KDM4B: variants seen among roughly 807,000 people sequenced by gnomAD.
KDM4B encodes the protein lysine-specific demethylase 4B.
KDM4B carries 32 observed loss-of-function variants against 125.2 expected under a neutral mutation model. That is an observed-to-expected ratio of 0.26 (90% confidence interval 0.19 to 0.34). The LOEUF is 0.34. Among genes scored for constraint, KDM4B ranks in the 10% least tolerant of loss-of-function variants. The probability of loss-of-function intolerance (pLI) is 1.00; values close to 1 mark genes in which losing one functional copy is unlikely to be tolerated. For missense variants in KDM4B, 1,190 were observed against 1,577.7 expected (o/e 0.75, Z 4.16); for synonymous variants, 721 against 677.9 (o/e 1.06, Z -0.99).
chr19:5,029,969 G>A (rs73542569), intron 2 of KDM4B, among the ~76,000 whole-genome samples: 4,458 of 152,350 alleles, frequency 0.029, 180 homozygotes, highest in African/African-American at 0.083. Context: ...GGTCTCCCCA[G>A]CGTGGGTTTT....
At chr19:5,103,366 C>A (rs902778044) in intron 9 of KDM4B, among the ~76,000 whole-genome samples, 3 of 152,224 alleles carry the variant, frequency 2.0e-5, no homozygotes, top group Admixed American at 2.0e-4. Context: ...ATCTCTGCGT[C>A]GGGTCCCGCT....
At position 5,041,102 on chromosome 19, in the gene KDM4B, C is replaced by T. The variant is rs373256827; in HGVS notation, c.318-35C>T. ...GGTGGGCTGCGTAGCACCCAGGCCT[C>T]ACCCTGAGCTGGTTTTGGGGTGTTT... is the stretch of plus-strand genomic sequence containing the variant. On this transcript the variant is annotated intron_variant, in intron 4 of 22. Coordinates refer to ENST00000159111, the MANE Select transcript of KDM4B (RefSeq NM_015015.3). The T allele has an allele frequency of 6.0e-5, 89 of 1,474,670 alleles. 1 individual carries two copies. In the African/African-American group the frequency reaches 1.1e-3, roughly 19 times the overall value. 91.3% of individuals were successfully genotyped at this position (1,474,670 alleles called of 1,614,324 possible). A position where few individuals can be genotyped will look rare whatever the true frequency, so the allele number is the denominator to read the frequency against.
rs1044059402 is a variant in KDM4B, at chr19:5,141,050, C to T, written c.2551-2917C>T. On this transcript the variant is annotated intron_variant, in intron 18 of 22. Transcript: ENST00000159111. The surrounding 1 kb of genome is among the most constrained non-coding windows in gnomAD (Gnocchi z 6.4). ...CAGGGTGGGTCTGCTGGGGAGACCA[C>T]AAGGGTGGGACTGATGCCGGCCACA... The T allele has an allele frequency of 2.0e-5, 3 of 152,264 alleles. No homozygotes were observed. Among genetic ancestry groups the T allele is most frequent in the African/African-American group, 7.2e-5 (3 of 41,470 alleles). The allele number at this position is 152,264 out of a possible 1,614,324, so 9.4% of individuals were successfully genotyped here.
intron 10 of KDM4B, among the ~76,000 whole-genome samples, chr19:5,118,331 C>T (rs2039296044): frequency 6.6e-6 from 1 of 152,246 alleles, no homozygotes; most frequent in African/African-American, 2.4e-5. Flanking sequence ...CACTGGCGCT[C>T]CCAGCTCTGC....
intron 6 of KDM4B, among the ~76,000 whole-genome samples, chr19:5,065,558 G>A (rs890165579): frequency 2.0e-5 from 3 of 152,264 alleles, no homozygotes; most frequent in Non-Finnish European, 1.5e-5. Flanking sequence ...AAGCCATTCC[G>A]GGGGAATAAA....
intron 7 of KDM4B, among the ~76,000 whole-genome samples, chr19:5,071,582 G>A (rs746642727): frequency 5.9e-5 from 9 of 152,232 alleles, no homozygotes; most frequent in Non-Finnish European, 8.8e-5. Context: ...ACCAGCTCGC[G>A]TTCATGTGCT....
At chr19:5,077,265 C>A in intron 7 of KDM4B, 102 bp from the exon 8 acceptor site, 1 of 954,820 alleles carries the variant, frequency 1.0e-6, no homozygotes, top group South Asian at 1.4e-5. Context: ...CACACGCCCG[C>A]TCTCCATGGG....
In KDM4B at chr19:5,082,245, CT is replaced by C; in HGVS notation, c.781-119del. ...CCTGGAGCCGCTGGATCACCTTTGA[CT>C]TTGTGAAACCCCCTTGGCTCATAAG... On this transcript the variant is annotated intron_variant, in intron 8 of 22. Coordinates refer to ENST00000159111, the MANE Select transcript of KDM4B (RefSeq NM_015015.3). The surrounding 1 kb of genome is among the most constrained non-coding windows in gnomAD (Gnocchi z 5.4). The C allele has an allele frequency of 1.7e-6, 2 of 1,211,290 alleles. No homozygotes were observed. The highest frequency in any genetic ancestry group is 2.3e-6 in the Non-Finnish European group (2 of 870,414). The allele number at this position is 1,211,290 out of a possible 1,614,324, so 75.0% of individuals were successfully genotyped here.
At chr19:5,002,000 C>CTT (rs59462526) in intron 1 of KDM4B, among the ~76,000 whole-genome samples, 18 of 146,546 alleles carry the variant, frequency 1.2e-4, no homozygotes, top group South Asian at 2.2e-4. Flanking sequence ...TTTTTTTTTT[C>CTT]TTTTTTTTTC....
intron 5 of KDM4B, among the ~76,000 whole-genome samples, chr19:5,042,828 C>T (rs1037050782): frequency 6.6e-6 from 1 of 151,706 alleles, no homozygotes; most frequent in Non-Finnish European, 1.5e-5. Context: ...GCCCCACCGC[C>T]GACACCGGGA....
chr19:4,995,990 C>G (rs1599377415), intron 1 of KDM4B, among the ~76,000 whole-genome samples: 1 of 152,118 alleles, frequency 6.6e-6, no homozygotes, highest in Non-Finnish European at 1.5e-5. Flanking sequence ...TTACTTTTCT[C>G]TCTCTCTTTC....
intron 10 of KDM4B, among the ~76,000 whole-genome samples, chr19:5,117,720 T>A (rs2039284766): frequency 1.3e-5 from 2 of 152,124 alleles, no homozygotes; most frequent in African/African-American, 4.8e-5. Context: ...CCCATCCACC[T>A]CCTGCTCCCT....
chr19:4,972,775 G>A (rs996201478), intron 1 of KDM4B, among the ~76,000 whole-genome samples: 8 of 152,258 alleles, frequency 5.3e-5, no homozygotes, highest in South Asian at 2.1e-4. Context: ...ACTGTGTCCC[G>A]GACACACTCC....
intron 1 of KDM4B, among the ~76,000 whole-genome samples, chr19:4,993,145 C>T (rs2035081165): frequency 6.6e-6 from 1 of 152,168 alleles, no homozygotes. Flanking sequence ...CATGGGGGCT[C>T]ATGCCTGTAA....
chr19:5,037,862 C>T (rs941568162), intron 3 of KDM4B, among the ~76,000 whole-genome samples: 3 of 152,258 alleles, frequency 2.0e-5, no homozygotes, highest in Non-Finnish European at 4.4e-5. Context: ...GCTGCTGTTA[C>T]TGCTTTTGCT....
At chr19:5,037,815 C>A (rs1458504937) in intron 3 of KDM4B, among the ~76,000 whole-genome samples, 1 of 152,246 alleles carries the variant, frequency 6.6e-6, no homozygotes, top group Non-Finnish European at 1.5e-5. Context: ...GACAAGACCC[C>A]CCCTCAGTTG....
chr19:5,057,065 T>TGTGCGCGCGCGC (rs55806859), intron 6 of KDM4B, among the ~76,000 whole-genome samples: 5 of 128,396 alleles, frequency 3.9e-5, no homozygotes, highest in African/African-American at 1.6e-4. Flanking sequence ...TGTGTGTGTG[T>TGTGCGCGCGCGC]GCGCGCGCGC....
rs1001264300 is a variant in KDM4B at position 5,113,957 on chromosome 19, C to T, written c.1115+3139C>T. The T allele has an allele frequency of 7.3e-6, 9 of 1,228,454 alleles. No homozygotes were observed. In the African/African-American group the frequency reaches 1.3e-4, roughly 17 times the overall value. 76.1% of individuals were successfully genotyped at this position (1,228,454 alleles called of 1,614,324 possible). On this transcript the variant is annotated intron_variant, in intron 10 of 22. Coordinates refer to ENST00000159111, the MANE Select transcript of KDM4B (RefSeq NM_015015.3). ...GAGGACACGGCCTACTCCCTGCTCG[C>T]CACCTTACATGGGTCTCTTCCAGAA...
chr19:5,126,470 C>A (rs1007519663), intron 11 of KDM4B, among the ~76,000 whole-genome samples: 12 of 152,192 alleles, frequency 7.9e-5, no homozygotes, highest in African/African-American at 2.9e-4. Context: ...GGGGGCAGAG[C>A]CAGGATGGGG....
Sources: allele counts gnomAD v4.1 joint callset (sites outside exome capture counted in the v4.1 genomes callset), GRCh38; gene constraint gnomAD v4.1.1; non-coding constraint Gnocchi (gnomAD v3.1); transcripts MANE v1.5; gene names NCBI Gene and HGNC (gene_info 2026-07-23, HGNC 2026-07-21).